Variants in KIAA1217 observed in about 807,000 individuals in gnomAD.
KIAA1217 encodes KIAA1217.
Under a neutral mutation model 163.9 loss-of-function variants are expected in KIAA1217, and 88 were observed. That is an observed-to-expected ratio of 0.54 (90% CI 0.45 to 0.64). KIAA1217 has a LOEUF of 0.64. Ranked by LOEUF, KIAA1217 falls within the 30% of genes least tolerant of loss-of-function variation. The pLI is 0.00. For missense variants in KIAA1217, 2,372 were observed against 2,475.0 expected (o/e 0.96, Z 0.88); for synonymous variants, 903 against 923.1 (o/e 0.98, Z 0.39).
chr10:23,938,080 TC>T (rs1424864375), intron 1 of KIAA1217, among the ~76,000 whole-genome samples: 3 of 152,178 alleles, frequency 2.0e-5, no homozygotes, highest in Non-Finnish European at 4.4e-5. Context: ...GCCCCTCCCA[TC>T]TTCTGCTTAG....
intron 1 of KIAA1217, among the ~76,000 whole-genome samples, chr10:23,909,594 T>G (rs555996012): frequency 6.6e-6 from 1 of 152,274 alleles, no homozygotes; most frequent in Admixed American, 6.5e-5. Context: ...GTTTCCAGCT[T>G]CATCCATGTC....
chr10:24,300,307 G>A (rs929888336), intron 2 of KIAA1217, among the ~76,000 whole-genome samples: 5 of 152,136 alleles, frequency 3.3e-5, no homozygotes, highest in African/African-American at 1.2e-4. Context: ...TAAGTTAAAT[G>A]CTAGTTATTA....
intron 2 of KIAA1217, among the ~76,000 whole-genome samples, chr10:24,261,915 T>G (rs2075764986): frequency 6.6e-6 from 1 of 152,180 alleles, no homozygotes; most frequent in African/African-American, 2.4e-5. Flanking sequence ...GTTTTGGCCT[T>G]TCAGAATCAG....
chr10:23,843,091 T>C (rs1388973737), intron 1 of KIAA1217, among the ~76,000 whole-genome samples: 1 of 152,172 alleles, frequency 6.6e-6, no homozygotes, highest in Non-Finnish European at 1.5e-5. Flanking sequence ...ATATTATCAA[T>C]GTAAATGTTT....
intron 2 of KIAA1217, among the ~76,000 whole-genome samples, chr10:24,258,947 G>C (rs1003631970): frequency 1.3e-5 from 2 of 152,106 alleles, no homozygotes; most frequent in African/African-American, 4.8e-5. Flanking sequence ...CATCACGAGG[G>C]TGATCACTAT....
chr10:24,023,651 T>C (rs540560730), intron 2 of KIAA1217, among the ~76,000 whole-genome samples: 13 of 151,788 alleles, frequency 8.6e-5, no homozygotes, highest in South Asian at 8.3e-4. Flanking sequence ...ACAACTGTAA[T>C]CAATGAAAAT....
intron 2 of KIAA1217, among the ~76,000 whole-genome samples, chr10:24,287,088 C>T (rs12777557): frequency 0.32 from 48,371 of 151,992 alleles, 8,444 homozygotes; most frequent in Admixed American, 0.47. Flanking sequence ...CTTGCTCTGT[C>T]GCCCAGGCTG....
intron 2 of KIAA1217, among the ~76,000 whole-genome samples, chr10:24,108,633 G>A (rs1359828819): frequency 6.6e-6 from 1 of 152,126 alleles, no homozygotes; most frequent in Admixed American, 6.5e-5. Context: ...TGAGGAGAAT[G>A]CAATCGATGT....
intron 1 of KIAA1217, among the ~76,000 whole-genome samples, chr10:23,841,873 T>TTTA (rs1249480925): frequency 1.3e-4 from 19 of 149,886 alleles, no homozygotes; most frequent in Middle Eastern, 3.4e-3. Context: ...TTTATTTTAT[T>TTTA]TTATTTTATT....
intron 2 of KIAA1217, among the ~76,000 whole-genome samples, chr10:24,199,945 T>C (rs942203693): frequency 2.8e-4 from 42 of 151,908 alleles, no homozygotes; most frequent in African/African-American, 9.6e-4. Context: ...TTTTTATTTA[T>C]ATATTTATAT....
At chr10:23,936,168 C>T (rs945539510) in intron 1 of KIAA1217, among the ~76,000 whole-genome samples, 6 of 152,156 alleles carry the variant, frequency 3.9e-5, no homozygotes, top group Admixed American at 1.3e-4. Context: ...CTACAGTCTT[C>T]TCAGTTATTC....
At chr10:24,276,739 A>G (rs1180723993) in intron 2 of KIAA1217, among the ~76,000 whole-genome samples, 1 of 151,722 alleles carries the variant, frequency 6.6e-6, no homozygotes, top group Non-Finnish European at 1.5e-5. Flanking sequence ...CCTCCTGAGT[A>G]GCTGGGACTA....
chr10:24,165,650 C>T (rs1353302382), intron 2 of KIAA1217, among the ~76,000 whole-genome samples: 5 of 152,104 alleles, frequency 3.3e-5, no homozygotes, highest in African/African-American at 1.2e-4. Flanking sequence ...CTGGCCCAGA[C>T]TTTTTGTAAC....
chr10:23,947,091 T>A (rs1203509656), intron 1 of KIAA1217, among the ~76,000 whole-genome samples: 1 of 152,220 alleles, frequency 6.6e-6, no homozygotes, highest in African/African-American at 2.4e-5. Context: ...CCTTCTGCCA[T>A]GATTGTAAGT....
At position 24,272,477 on chromosome 10, in the gene KIAA1217, G is replaced by A. The variant is rs76458225; in HGVS notation, c.354+52568G>A. ...CAATCTGTTGTTGAAAGGAGAGTACGAGTTCTAAAAGCTACTCTAGGGAGC... is the reference window on the plus strand; with the variant it reads ...CAATCTGTTGTTGAAAGGAGAGTACAAGTTCTAAAAGCTACTCTAGGGAGC... On this transcript the variant is annotated intron_variant, in intron 2 of 20. Transcript: ENST00000376454. Among the ~76,000 whole-genome samples, 1,354 of 152,238 alleles carry A rather than the reference G, an allele frequency of 8.9e-3. 21 individuals are homozygous for A. Among genetic ancestry groups the A allele is most frequent in the East Asian group, 0.076 (396 of 5,180 alleles).
chr10:24,275,849 C>G (rs2077228343), intron 2 of KIAA1217: 1 of 453,298 alleles, frequency 2.2e-6, no homozygotes, highest in African/African-American at 2.0e-5. Flanking sequence ...AGTGTCTCAT[C>G]TGCAGGAGCA....
At chr10:24,369,483 T>C (rs960422083) in intron 2 of KIAA1217, among the ~76,000 whole-genome samples, 1 of 152,020 alleles carries the variant, frequency 6.6e-6, no homozygotes, top group Non-Finnish European at 1.5e-5. Flanking sequence ...TCACTGAGGG[T>C]GAGGGCCTTT....
chr10:23,919,639 C>A (rs112399710), intron 1 of KIAA1217, among the ~76,000 whole-genome samples: 2,235 of 145,462 alleles, frequency 0.015, 72 homozygotes, highest in African/African-American at 0.052. Flanking sequence ...AAAGGCTCTG[C>A]AGATTCATTT....
chr10:24,234,656 CAAAAAAAAAAAAAAA>C (rs71397938), intron 2 of KIAA1217, among the ~76,000 whole-genome samples: 11 of 73,356 alleles, frequency 1.5e-4, no homozygotes, highest in Non-Finnish European at 2.6e-4. Context: ...AAAACTGTCT[CAAAAAAAAAAAAAAA>C]AAAAAAAAGA....
Sources: allele counts gnomAD v4.1 joint callset (sites outside exome capture counted in the v4.1 genomes callset), GRCh38; gene constraint gnomAD v4.1.1; transcripts MANE v1.5; gene names NCBI Gene and HGNC (gene_info 2026-07-23, HGNC 2026-07-21).